PAK3: variants seen among roughly 807,000 people sequenced by gnomAD.
PAK3 encodes the protein p21 (RAC1) activated kinase 3.
A neutral mutation model predicts 41.0 loss-of-function variants in PAK3; 4 were observed. That is an observed-to-expected ratio of 0.10 (90% CI 0.05 to 0.22). The LOEUF is 0.22. PAK3 is among the 10% of genes least tolerant of loss of function. PAK3 has a pLI of 1.00. For synonymous variants in PAK3, 146 were observed against 139.6 expected (o/e 1.05, Z -0.32); for missense variants, 205 against 409.9 (o/e 0.50, Z 4.32).
rs745437763 is a variant in PAK3 at position 111,033,670 on chromosome X, C to T, written c.-28+89042C>T. On this transcript the variant is annotated intron_variant, in intron 1 of 14. Transcript: ENST00000425146. ...ACCCACGCTTTTTAAAATGATTCCC[C>T]AACACCAAATTAGCCAACTGCGCTT... 2.7e-5 allele frequency among the ~76,000 whole-genome samples: 3 copies of T among 111,559 alleles called. No homozygotes were observed. The South Asian group carries it at 1.2e-3, about 43-fold the overall frequency.
At chrX:111,199,330 T>G (rs956916554) in intron 16 of PAK3, among the ~76,000 whole-genome samples, 1 of 111,628 alleles carries the variant, frequency 9.0e-6, no homozygotes, top group Non-Finnish European at 1.9e-5. Flanking sequence ...TTCTCTTGCC[T>G]GATTACTCTG....
At chrX:111,178,206 A>G (rs1369934507) in intron 11 of PAK3, among the ~76,000 whole-genome samples, 1 of 111,155 alleles carries the variant, frequency 9.0e-6, no homozygotes, top group South Asian at 3.8e-4. Context: ...CTTCACTGTC[A>G]TCTCTCATAT....
chrX:111,094,679 CT>C (rs762547955), upstream of PAK3, among the ~76,000 whole-genome samples: 151 of 45,090 alleles, frequency 3.3e-3, no homozygotes, highest in African/African-American at 6.6e-3. Flanking sequence ...ATCTGTAGCT[CT>C]TTTTTTTTTT....
chrX:111,054,235 G>A (rs1234156259), intron 1 of PAK3, among the ~76,000 whole-genome samples: 1 of 112,120 alleles, frequency 8.9e-6, no homozygotes, highest in African/African-American at 3.2e-5. Context: ...AGCTTATACG[G>A]CTGTTTTGCT....
chrX:110,949,180 G>A (rs2090688535), intron 1 of PAK3, among the ~76,000 whole-genome samples: 1 of 111,500 alleles, frequency 9.0e-6, no homozygotes, highest in Admixed American at 9.5e-5. Flanking sequence ...GGGACTTGGA[G>A]GTCATGTCCA....
intron 11 of PAK3, among the ~76,000 whole-genome samples, chrX:111,188,066 G>A (rs1477653535): frequency 1.8e-5 from 2 of 108,856 alleles, no homozygotes; most frequent in African/African-American, 6.7e-5. Flanking sequence ...TAGAGTTTCA[G>A]GATATTTAAA....
At chrX:111,219,063 G>T (rs776340810) in intron 17 of PAK3, among the ~76,000 whole-genome samples, 3 of 108,579 alleles carry the variant, frequency 2.8e-5, no homozygotes, top group Admixed American at 9.9e-5. Flanking sequence ...GGTGGCATGC[G>T]CCTGTGATCC....
intron 17 of PAK3, chrX:111,217,063 C>T (rs1228397058): frequency 1.3e-6 from 1 of 741,133 alleles, no homozygotes; most frequent in East Asian, 1.5e-4. Context: ...GTCCTTTTCA[C>T]GGCTCCCAGG....
At chrX:111,214,348 G>A (rs1378081309) in intron 16 of PAK3, among the ~76,000 whole-genome samples, 3 of 111,356 alleles carry the variant, frequency 2.7e-5, no homozygotes, top group Non-Finnish European at 5.7e-5. Context: ...AAAAATATTG[G>A]CACCTAGGTT....
chrX:110,947,173 G>A (rs1256801222), intron 1 of PAK3, among the ~76,000 whole-genome samples: 1 of 111,665 alleles, frequency 9.0e-6, no homozygotes, highest in East Asian at 2.8e-4. Flanking sequence ...CCCATCTGGA[G>A]CACCTCTCCC....
chrX:111,022,237 A>G (rs759077826), intron 1 of PAK3, among the ~76,000 whole-genome samples: 1 of 112,173 alleles, frequency 8.9e-6, no homozygotes, highest in Non-Finnish European at 1.9e-5. Context: ...CAGGTTATCT[A>G]AAGTCAAGAC....
chrX:111,194,937 CAGTA>C (rs1406627769), intron 14 of PAK3, among the ~76,000 whole-genome samples: 1 of 112,326 alleles, frequency 8.9e-6, no homozygotes, highest in Non-Finnish European at 1.9e-5. Context: ...GTCTCTTTTC[CAGTA>C]AGTGTCATAC....
At chrX:111,152,546 A>T in intron 8 of PAK3, 99 bp downstream of exon 8, 1 of 604,247 alleles carries the variant, frequency 1.7e-6, no homozygotes, top group South Asian at 2.5e-5. Context: ...AAAGTCTTTT[A>T]AAAACAATTT....
At chrX:110,970,864 A>T (rs1049358092) in intron 1 of PAK3, among the ~76,000 whole-genome samples, 4 of 112,092 alleles carry the variant, frequency 3.6e-5, no homozygotes, top group African/African-American at 1.3e-4. Flanking sequence ...TTGACATATT[A>T]TTCTGTGTAG....
chrX:111,135,314 ATTAG>A (rs1466174447), intron 5 of PAK3, among the ~76,000 whole-genome samples: 1 of 111,926 alleles, frequency 8.9e-6, no homozygotes, highest in Non-Finnish European at 1.9e-5. Context: ...AAAGCACTTA[ATTAG>A]TTAGATAATT....
chrX:111,191,000 A>C (rs1291405275), intron 11 of PAK3, among the ~76,000 whole-genome samples: 2 of 112,348 alleles, frequency 1.8e-5, no homozygotes, highest in Non-Finnish European at 3.8e-5. Context: ...GCAGCTTACT[A>C]TACAATTTCT....
At chrX:110,971,086 A>G (rs1371211700) in intron 1 of PAK3, among the ~76,000 whole-genome samples, 2 of 112,487 alleles carry the variant, frequency 1.8e-5, no homozygotes, top group Non-Finnish European at 3.8e-5. Flanking sequence ...TTTAAAAATC[A>G]GCTTGAGATA....
chrX:110,968,362 G>C (rs1446090681), intron 1 of PAK3, among the ~76,000 whole-genome samples: 2 of 112,485 alleles, frequency 1.8e-5, no homozygotes, highest in Non-Finnish European at 3.8e-5. Flanking sequence ...TGATTGCTGG[G>C]TCATAAGGTA....
intron 1 of PAK3, among the ~76,000 whole-genome samples, chrX:111,001,532 G>A (rs780222643): frequency 1.8e-5 from 2 of 112,055 alleles, no homozygotes; most frequent in African/African-American, 3.2e-5. Context: ...TAGCACAAAC[G>A]GGTGGGCTGA....
Sources: gnomAD v4.1 joint callset for allele counts (sites outside exome capture counted in the v4.1 genomes callset) on GRCh38, gnomAD v4.1.1 for gene constraint, MANE v1.5 for transcripts, NCBI Gene and HGNC (gene_info 2026-07-23, HGNC 2026-07-21) for gene names.